DGKA: variants seen among roughly 807,000 people sequenced by gnomAD.
DGKA encodes the protein 80 kDa diacylglycerol kinase.
DGKA carries 35 observed loss-of-function variants against 105.0 expected under a neutral mutation model. That is an observed-to-expected ratio of 0.33 (90% CI 0.25 to 0.44). DGKA has a LOEUF of 0.44. Among genes scored for constraint, DGKA ranks in the 20% least tolerant of loss-of-function variants. The pLI is 1.00. For synonymous variants in DGKA, 296 were observed against 332.0 expected, an observed-to-expected ratio of 0.89 and a Z score of 1.18; for missense variants, 665 against 915.0, an observed-to-expected ratio of 0.73 and a Z score of 3.53.
At chr12:55,953,303 G>A (rs1247343651) in intron 22 of DGKA, 47 bp from the exon 23 acceptor site, 4 of 1,612,954 alleles carry the variant, frequency 2.5e-6, no homozygotes, top group Non-Finnish European at 3.4e-6. Flanking sequence ...CAGAGTTTTG[G>A]TATTCGATTG....
At position 55,953,777 on chromosome 12, in the gene DGKA, C is replaced by A; in HGVS notation, c.*9C>A. On this transcript the variant is annotated 3_prime_UTR_variant, in exon 24 of 24. Transcript: ENST00000331886. ...TTGGCTTCTTGAGCTAAGGGGGACA[C>A]CCTTGGCCTCCAAGCCAGCCTTGAA... The A allele has an allele frequency of 6.2e-7, 1 of 1,613,704 alleles. No individual in the cohort carries two copies. The highest frequency in any genetic ancestry group is 8.5e-7 in the Non-Finnish European group (1 of 1,179,624).
Position 55,953,176 on chromosome 12 carries a change from C to G in DGKA, c.2063+16C>G. 1 of 1,613,974 alleles carries G rather than the reference C, an allele frequency of 6.2e-7. No individual in the cohort carries two copies. Among genetic ancestry groups the G allele is most frequent in the Non-Finnish European group, 8.5e-7 (1 of 1,179,966 alleles). Reference sequence around the variant, plus strand: ...TCACCTTCCAGTAAGGAAGACTCCACCAGGGTCCCTGAGGGAAGGTGTGGG... The same window carrying G: ...TCACCTTCCAGTAAGGAAGACTCCAGCAGGGTCCCTGAGGGAAGGTGTGGG... On this transcript the variant is annotated intron_variant, in intron 22 of 23. Transcript: ENST00000331886.
chr12:55,947,807 T>C (rs1404768780), intron 17 of DGKA, among the ~76,000 whole-genome samples: 1 of 152,184 alleles, frequency 6.6e-6, no homozygotes, highest in Non-Finnish European at 1.5e-5. Flanking sequence ...TTTATTTTTT[T>C]GAGACGGAGT....
chr12:55,927,527 G>C (rs901594361), upstream of DGKA: 24 of 706,610 alleles, frequency 3.4e-5, no homozygotes, highest in Non-Finnish European at 5.5e-5. Context: ...TCTCAGAGCG[G>C]CTTGGTGACG....
intron 4 of DGKA, 37 bp from the exon 5 acceptor site, chr12:55,937,941 G>A (rs764680979): frequency 1.3e-6 from 2 of 1,580,162 alleles, no homozygotes; most frequent in Non-Finnish European, 1.7e-6. Context: ...CCAAAGTGGA[G>A]GGAGCCCTGA....
chr12:55,953,886 T>TCACC lies in DGKA; in HGVS notation c.*120_*123dup. The TCACC allele has an allele frequency of 1.2e-6, 1 of 864,184 alleles. No individual in the cohort carries two copies. Among genetic ancestry groups the TCACC allele is most frequent in the South Asian group, 1.6e-5 (1 of 64,320 alleles). 53.5% of individuals were successfully genotyped at this position (864,184 alleles called of 1,614,324 possible). On this transcript the variant is annotated 3_prime_UTR_variant, in exon 24 of 24. Transcript: ENST00000331886. ...CCTGCCAGCTTGGGGGAGTGTTCCTTCACCCTCACAGTATTTATTATCCTG... is the reference window on the plus strand; with the variant it reads ...CCTGCCAGCTTGGGGGAGTGTTCCTTCACCCACCCTCACAGTATTTATTATCCTG...
chr12:55,928,704 A>C (rs199702720), upstream of DGKA, among the ~76,000 whole-genome samples: 83 of 147,576 alleles, frequency 5.6e-4, 1 homozygote, highest in East Asian at 0.016. Flanking sequence ...AAAAAAAAAA[A>C]AACTAAAAAA....
In DGKA at chr12:55,940,227, G is replaced by A; in HGVS notation, c.798+57G>A. ...CACCTACATCCTGGCCCTGGCCCTG[G>A]CCCTTGGCCCATTGCTGCCCTCAGC... On this transcript the variant is annotated intron_variant, in intron 10 of 23. Coordinates refer to ENST00000331886, the MANE Select transcript of DGKA (RefSeq NM_001345.5). The surrounding 1 kb of genome is among the most constrained non-coding windows in gnomAD (Gnocchi z 4.3). The A allele has an allele frequency of 6.2e-7, 1 of 1,613,916 alleles. No homozygotes were observed. Among genetic ancestry groups the A allele is most frequent in the African/African-American group, 1.3e-5 (1 of 75,040 alleles).
intron 1 of DGKA, chr12:55,935,911 C>A (rs1482472952): frequency 1.0e-6 from 1 of 986,408 alleles, no homozygotes; most frequent in East Asian, 1.1e-4. Context: ...GGTCCCTGGC[C>A]AGAGGCGGAA....
intron 13 of DGKA, 46 bp from the exon 14 acceptor site, chr12:55,941,206 G>T: frequency 6.3e-7 from 1 of 1,584,918 alleles, no homozygotes; most frequent in South Asian, 1.1e-5. Context: ...CCTTAACTCT[G>T]ACAAAATCCT....
chr12:55,949,782 TG>T (rs1887771019), intron 17 of DGKA, among the ~76,000 whole-genome samples: 1 of 152,176 alleles, frequency 6.6e-6, no homozygotes. Context: ...ATCATAGGCT[TG>T]TTTGTATTAT....
intron 1 of DGKA, 29 bp downstream of exon 1, chr12:55,931,373 A>T (rs925927275): frequency 6.6e-6 from 1 of 152,274 alleles, no homozygotes; most frequent in Non-Finnish European, 1.5e-5. Context: ...GGCGTGGAGA[A>T]AGGGTGGACA....
chr12:55,928,871 C>T (rs910136320), upstream of DGKA, among the ~76,000 whole-genome samples: 1 of 151,138 alleles, frequency 6.6e-6, no homozygotes, highest in Admixed American at 6.6e-5. Context: ...AAAAGTATTT[C>T]CAGGCCGGGT....
Position 55,952,602 on chromosome 12 carries a change from C to A in DGKA, c.1744-132C>A. On this transcript the variant is annotated intron_variant, in intron 20 of 23. Coordinates refer to ENST00000331886, the MANE Select transcript of DGKA (RefSeq NM_001345.5). This position sits in a 1 kb window ranked among gnomAD's most constrained non-coding sequence, Gnocchi z 5.1. ...CTCAAGATACACTAGTCCCTATTTC[C>A]ATTCCTTGCACACCTCCAAATCCTG... The A allele has an allele frequency of 8.0e-7, 1 of 1,247,414 alleles. No homozygotes were observed. Among genetic ancestry groups the A allele is most frequent in the Non-Finnish European group, 1.2e-6 (1 of 865,106 alleles). 77.3% of individuals were successfully genotyped at this position (1,247,414 alleles called of 1,614,324 possible). A position where few individuals can be genotyped will look rare whatever the true frequency, so the allele number is the denominator to read the frequency against.
chr12:55,941,208 C>T (rs373914113), intron 13 of DGKA, 44 bp from the exon 14 acceptor site: 2 of 1,586,060 alleles, frequency 1.3e-6, no homozygotes, highest in Non-Finnish European at 1.7e-6. Flanking sequence ...TTAACTCTGA[C>T]AAAATCCTGC....
At chr12:55,946,571 G>C (rs1019756316) in intron 17 of DGKA, among the ~76,000 whole-genome samples, 1 of 152,132 alleles carries the variant, frequency 6.6e-6, no homozygotes, top group Non-Finnish European at 1.5e-5. Context: ...TGGCCAGGCT[G>C]GTCTCAAACT....
Position 55,940,036 on chromosome 12 carries a change from G to T in DGKA, c.710-46G>T, listed in dbSNP as rs759923526. ...TCACCCTCAGGTAAGAAGGAAATAG[G>T]GGGAGAGGCTCAGCTAAGCCTCCCA... On this transcript the variant is annotated intron_variant, in intron 9 of 23. Coordinates refer to ENST00000331886, the MANE Select transcript of DGKA (RefSeq NM_001345.5). The surrounding 1 kb of genome is among the most constrained non-coding windows in gnomAD (Gnocchi z 4.3). 13 of 1,519,436 alleles carry T rather than the reference G, an allele frequency of 8.6e-6. No homozygotes were observed. The highest frequency in any genetic ancestry group is 1.2e-5 in the Non-Finnish European group (13 of 1,094,552). The allele number at this position is 1,519,436 out of a possible 1,614,324, so 94.1% of individuals were successfully genotyped here. A position where few individuals can be genotyped will look rare whatever the true frequency, so the allele number is the denominator to read the frequency against.
chr12:55,928,178 G>A (rs775672692), upstream of DGKA: 1 of 184,732 alleles, frequency 5.4e-6, no homozygotes, highest in Admixed American at 6.1e-5. Context: ...CCTGAGAGGA[G>A]CCCGGCTGCA....
chr12:55,949,139 T>G (rs767896722), intron 17 of DGKA, among the ~76,000 whole-genome samples: 4 of 152,150 alleles, frequency 2.6e-5, no homozygotes, highest in Non-Finnish European at 5.9e-5. Flanking sequence ...GTTTCCTATT[T>G]ACAGTCATTT....
Sources: allele counts gnomAD v4.1 joint callset (sites outside exome capture counted in the v4.1 genomes callset), GRCh38; gene constraint gnomAD v4.1.1; non-coding constraint Gnocchi (gnomAD v3.1); transcripts MANE v1.5; gene names NCBI Gene and HGNC (gene_info 2026-07-23, HGNC 2026-07-21).